Variants in ZBTB7C observed in about 807,000 individuals in gnomAD.
The protein encoded by ZBTB7C is zinc finger and BTB domain-containing protein 7C.
A neutral mutation model predicts 25.7 loss-of-function variants in ZBTB7C; 8 were observed. The ratio of observed to expected loss-of-function variants is 0.31; its 90% CI spans 0.18 to 0.56. ZBTB7C has a LOEUF of 0.56. Among genes scored for constraint, ZBTB7C ranks in the 20% least tolerant of loss-of-function variants. The pLI is 0.91. For synonymous variants in ZBTB7C, 394 were observed against 369.0 expected (o/e 1.07, Z -0.78); for missense variants, 824 against 855.2 (o/e 0.96, Z 0.46).
intron 3 of ZBTB7C, among the ~76,000 whole-genome samples, chr18:48,043,723 C>T (rs12605978): frequency 0.44 from 66,145 of 152,016 alleles, 16,319 homozygotes; most frequent in African/African-American, 0.67. Flanking sequence ...GATGTTACCA[C>T]TGGAGAAAAT....
At chr18:48,056,111 A>G (rs1423628522) in intron 3 of ZBTB7C, among the ~76,000 whole-genome samples, 1 of 152,224 alleles carries the variant, frequency 6.6e-6, no homozygotes, top group African/African-American at 2.4e-5. Flanking sequence ...GTTCAGAAGT[A>G]TATTAGGGAC....
intron 2 of ZBTB7C, among the ~76,000 whole-genome samples, chr18:48,249,722 C>G (rs1001539822): frequency 6.6e-6 from 1 of 152,206 alleles, no homozygotes; most frequent in African/African-American, 2.4e-5. Context: ...TGAAGTAATA[C>G]TGCACCAACT....
intron 1 of ZBTB7C, among the ~76,000 whole-genome samples, chr18:48,363,847 A>G (rs944832978): frequency 2.0e-5 from 3 of 151,758 alleles, no homozygotes; most frequent in Non-Finnish European, 2.9e-5. Flanking sequence ...CCACCCCTCA[A>G]TCTTACCCCA....
chr18:48,117,231 T>G (rs2039471743), intron 3 of ZBTB7C, among the ~76,000 whole-genome samples: 2 of 152,220 alleles, frequency 1.3e-5, no homozygotes, highest in South Asian at 4.1e-4. Context: ...TTTCCTATCA[T>G]TATCTGAAAT....
At chr18:48,308,355 A>C (rs1449910965) in intron 2 of ZBTB7C, among the ~76,000 whole-genome samples, 1 of 152,138 alleles carries the variant, frequency 6.6e-6, no homozygotes, top group East Asian at 1.9e-4. Context: ...ACTGGCATTT[A>C]GGGCAGGATG....
intron 2 of ZBTB7C, among the ~76,000 whole-genome samples, chr18:48,187,817 T>C (rs756542605): frequency 0.016 from 808 of 51,070 alleles, 6 homozygotes; most frequent in Non-Finnish European, 0.024. Context: ...CAAGACCCCG[T>C]CTCAAAAAAA....
chr18:48,275,279 C>G (rs867580056), intron 2 of ZBTB7C, among the ~76,000 whole-genome samples: 1 of 152,210 alleles, frequency 6.6e-6, no homozygotes, highest in Non-Finnish European at 1.5e-5. Context: ...TACTAGAAGG[C>G]AGCAGACTAT....
chr18:48,151,997 C>T (rs1278721856), intron 3 of ZBTB7C, among the ~76,000 whole-genome samples: 1 of 152,144 alleles, frequency 6.6e-6, no homozygotes, highest in Non-Finnish European at 1.5e-5. Flanking sequence ...GGAGGGAGGA[C>T]ACTGTAGGAG....
At chr18:48,363,074 C>T (rs745010) in intron 1 of ZBTB7C, among the ~76,000 whole-genome samples, 83 of 152,310 alleles carry the variant, frequency 5.4e-4, no homozygotes, top group African/African-American at 1.9e-3. Flanking sequence ...GACAGGAATG[C>T]CAGAACCTTA....
At chr18:48,214,748 A>T (rs958429107) in intron 2 of ZBTB7C, among the ~76,000 whole-genome samples, 2 of 152,214 alleles carry the variant, frequency 1.3e-5, no homozygotes, top group African/African-American at 4.8e-5. Flanking sequence ...ACCCTGTGAC[A>T]TGTGGTAGCA....
chr18:48,071,851 C>T (rs1277462673), intron 3 of ZBTB7C, among the ~76,000 whole-genome samples: 1 of 152,192 alleles, frequency 6.6e-6, no homozygotes, highest in African/African-American at 2.4e-5. Flanking sequence ...CATGCGTGAA[C>T]TTTGAGGATA....
At chr18:48,108,627 A>T (rs971548259) in intron 3 of ZBTB7C, among the ~76,000 whole-genome samples, 3 of 152,092 alleles carry the variant, frequency 2.0e-5, no homozygotes, top group African/African-American at 7.2e-5. Flanking sequence ...ATTCCTGTAG[A>T]GACAGGGTCT....
At chr18:48,129,640 G>A (rs2039924442) in intron 3 of ZBTB7C, among the ~76,000 whole-genome samples, 1 of 152,182 alleles carries the variant, frequency 6.6e-6, no homozygotes. Flanking sequence ...TGTCACTGGT[G>A]TGTGCATTTG....
chr18:48,294,156 C>T (rs992035839), intron 2 of ZBTB7C, among the ~76,000 whole-genome samples: 2 of 152,194 alleles, frequency 1.3e-5, no homozygotes, highest in African/African-American at 4.8e-5. Flanking sequence ...TTAGCAGAGG[C>T]TTGGAGAGGG....
intron 2 of ZBTB7C, among the ~76,000 whole-genome samples, chr18:48,206,358 C>G (rs1008807772): frequency 6.6e-6 from 1 of 152,180 alleles, no homozygotes; most frequent in Non-Finnish European, 1.5e-5. Flanking sequence ...GCTTACAATA[C>G]ATGGTGCTGA....
chr18:48,112,808 G>A (rs1419581424), intron 3 of ZBTB7C, among the ~76,000 whole-genome samples: 2 of 152,190 alleles, frequency 1.3e-5, no homozygotes, highest in African/African-American at 4.8e-5. Context: ...ACCTAACAGA[G>A]GATTGAGGAT....
At chr18:48,360,113 G>A (rs894019761) in intron 1 of ZBTB7C, among the ~76,000 whole-genome samples, 7 of 152,236 alleles carry the variant, frequency 4.6e-5, no homozygotes, top group African/African-American at 1.7e-4. Flanking sequence ...CACTATCTGT[G>A]AATTAGCAGT....
intron 1 of ZBTB7C, among the ~76,000 whole-genome samples, chr18:48,373,244 GT>G (rs1181841075): frequency 6.6e-6 from 1 of 151,790 alleles, no homozygotes; most frequent in Admixed American, 6.6e-5. Flanking sequence ...GTGATAGTGA[GT>G]TCTCACAAGA....
chr18:48,331,978 A>G (rs933914880), intron 2 of ZBTB7C, among the ~76,000 whole-genome samples: 7 of 152,210 alleles, frequency 4.6e-5, no homozygotes, highest in Admixed American at 1.3e-4. Context: ...TAGATATCAT[A>G]TCATGTTGTC....
Sources: allele counts gnomAD v4.1 joint callset (sites outside exome capture counted in the v4.1 genomes callset), GRCh38; gene constraint gnomAD v4.1.1; transcripts MANE v1.5; gene names NCBI Gene and HGNC (gene_info 2026-07-23, HGNC 2026-07-21).